The following IQSEC1 variants were observed in gnomAD, a reference collection of about 807,000 sequenced individuals.
IQSEC1 encodes the protein IQ motif and SEC7 domain-containing protein 1.
Under a neutral mutation model 91.0 loss-of-function variants are expected in IQSEC1, and 31 were observed. The ratio of observed to expected loss-of-function variants is 0.34; its 90% CI spans 0.26 to 0.46. IQSEC1 has a LOEUF of 0.46. Among genes scored for constraint, IQSEC1 ranks in the 20% least tolerant of loss-of-function variants. The pLI is 1.00. For synonymous variants in IQSEC1, 699 were observed against 662.6 expected, an observed-to-expected ratio of 1.05 and a Z score of -0.84; for missense variants, 1,388 against 1,575.6, an observed-to-expected ratio of 0.88 and a Z score of 2.02.
intron 1 of IQSEC1, among the ~76,000 whole-genome samples, chr3:13,204,805 C>T (rs953283438): frequency 1.4e-5 from 2 of 139,144 alleles, no homozygotes; most frequent in African/African-American, 2.6e-5. Context: ...ATCTTTCTTT[C>T]TTTTTTTTTT....
At chr3:12,999,755 C>T (rs1702350979) in intron 1 of IQSEC1, among the ~76,000 whole-genome samples, 1 of 152,220 alleles carries the variant, frequency 6.6e-6, no homozygotes, top group Non-Finnish European at 1.5e-5. Flanking sequence ...CTGTGACTCC[C>T]TACTGCCCAC....
chr3:13,199,873 G>GCCACACACACACA (rs1559275939), intron 1 of IQSEC1, among the ~76,000 whole-genome samples: 2 of 151,322 alleles, frequency 1.3e-5, no homozygotes, highest in East Asian at 1.9e-4. Context: ...ACACACATAT[G>GCCACACACACACA]CCACACACAC....
At chr3:13,071,034 C>G (rs1383926717) in intron 1 of IQSEC1, among the ~76,000 whole-genome samples, 1 of 152,102 alleles carries the variant, frequency 6.6e-6, no homozygotes, top group Non-Finnish European at 1.5e-5. Context: ...ATCACGGGAA[C>G]ATCAACCACA....
chr3:13,218,517 C>T (rs1223950118), intron 1 of IQSEC1, among the ~76,000 whole-genome samples: 2 of 152,192 alleles, frequency 1.3e-5, no homozygotes, highest in East Asian at 1.9e-4. Flanking sequence ...AGCCTGTGGC[C>T]GAGACAGCAT....
upstream of IQSEC1, among the ~76,000 whole-genome samples, chr3:13,077,342 C>T (rs1389930906): frequency 4.6e-5 from 7 of 152,202 alleles, no homozygotes; most frequent in Non-Finnish European, 1.5e-5. Flanking sequence ...TAAATCCCCT[C>T]GCCAGCCCTG....
intron 1 of IQSEC1, among the ~76,000 whole-genome samples, chr3:12,977,360 A>G (rs1701232285): frequency 6.6e-6 from 1 of 152,232 alleles, no homozygotes; most frequent in South Asian, 2.1e-4. Flanking sequence ...GGGAAAAAAA[A>G]AAAAAGCGCT....
chr3:13,065,565 T>C (rs1705204577), intron 1 of IQSEC1, among the ~76,000 whole-genome samples: 1 of 152,132 alleles, frequency 6.6e-6, no homozygotes, highest in Admixed American at 6.5e-5. Context: ...TGGCTATTAT[T>C]AAAGAAAAAC....
chr3:12,904,178 T>C (rs1349681093), intron 12 of IQSEC1, among the ~76,000 whole-genome samples: 1 of 152,212 alleles, frequency 6.6e-6, no homozygotes, highest in East Asian at 1.9e-4. Flanking sequence ...CATCTGAATG[T>C]GCTGGGCTGT....
intron 1 of IQSEC1, among the ~76,000 whole-genome samples, chr3:13,169,206 T>G (rs750305896): frequency 6.6e-6 from 1 of 152,184 alleles, no homozygotes; most frequent in Non-Finnish European, 1.5e-5. Flanking sequence ...GTTCTTGTGA[T>G]AGTGAATAAG....
At chr3:12,985,769 A>G (rs889279735) in intron 1 of IQSEC1, among the ~76,000 whole-genome samples, 3 of 152,286 alleles carry the variant, frequency 2.0e-5, no homozygotes, top group Non-Finnish European at 4.4e-5. Context: ...AATACTTTCC[A>G]TGTTTCTAGG....
chr3:13,022,498 G>A (rs1165850217), intron 1 of IQSEC1: 33 of 987,576 alleles, frequency 3.3e-5, no homozygotes, highest in Middle Eastern at 5.1e-4. Flanking sequence ...GGTGAGGGGC[G>A]TCCGCCGGTG....
At chr3:12,959,411 G>T (rs759926419) in intron 1 of IQSEC1, among the ~76,000 whole-genome samples, 1 of 152,160 alleles carries the variant, frequency 6.6e-6, no homozygotes, top group African/African-American at 2.4e-5. Flanking sequence ...TCCACACCCC[G>T]CCCTCCAGAG....
At chr3:13,105,215 A>G (rs1461016879) in intron 2 of IQSEC1, among the ~76,000 whole-genome samples, 1 of 152,094 alleles carries the variant, frequency 6.6e-6, no homozygotes, top group African/African-American at 2.4e-5. Context: ...TACTCAGAAC[A>G]GCACTGTTCC....
At chr3:13,097,506 G>A (rs1482230483) in intron 2 of IQSEC1, among the ~76,000 whole-genome samples, 8 of 152,140 alleles carry the variant, frequency 5.3e-5, no homozygotes, top group African/African-American at 1.7e-4. Flanking sequence ...GATTTCACAC[G>A]GCCTGCCAGC....
intron 1 of IQSEC1, among the ~76,000 whole-genome samples, chr3:13,018,311 G>A (rs996867585): frequency 5.9e-5 from 9 of 152,158 alleles, no homozygotes; most frequent in Non-Finnish European, 7.4e-5. Flanking sequence ...AGCTGTTCAC[G>A]GCCCTCCTGC....
chr3:13,246,540 A>G (rs1695111083), intron 1 of IQSEC1, among the ~76,000 whole-genome samples: 1 of 152,190 alleles, frequency 6.6e-6, no homozygotes, highest in Non-Finnish European at 1.5e-5. Flanking sequence ...ACAATGAAAA[A>G]CAAAAAAGCA....
chr3:12,962,868 G>A (rs1292279356), intron 1 of IQSEC1, among the ~76,000 whole-genome samples: 1 of 152,262 alleles, frequency 6.6e-6, no homozygotes. Flanking sequence ...CAACCAGCTT[G>A]TGGGCTGAGA....
intron 1 of IQSEC1, among the ~76,000 whole-genome samples, chr3:13,037,149 C>G (rs1044575143): frequency 6.6e-6 from 1 of 152,304 alleles, no homozygotes; most frequent in East Asian, 1.9e-4. Context: ...AACCACCTGG[C>G]TTTCAATATT....
At chr3:13,209,951 C>T (rs1476484535) in intron 1 of IQSEC1, among the ~76,000 whole-genome samples, 2 of 151,934 alleles carry the variant, frequency 1.3e-5, no homozygotes, top group Non-Finnish European at 2.9e-5. Context: ...GGGGGCATTA[C>T]CCACACATCC....
Sources: allele counts gnomAD v4.1 joint callset (sites outside exome capture counted in the v4.1 genomes callset), GRCh38; gene constraint gnomAD v4.1.1; transcripts MANE v1.5; gene names NCBI Gene and HGNC (gene_info 2026-07-23, HGNC 2026-07-21).